ERC2: variants seen among roughly 807,000 people sequenced by gnomAD.
The protein encoded by ERC2 is ERC protein 2.
In ERC2, 42 loss-of-function variants were observed where a neutral mutation model predicts 114.8. The ratio of observed to expected loss-of-function variants is 0.37; its 90% CI spans 0.29 to 0.47. ERC2 has a LOEUF of 0.47. ERC2 is among the 20% of genes least tolerant of loss of function. The pLI is 0.99. For synonymous variants in ERC2, 454 were observed against 425.5 expected (o/e 1.07, Z -0.82); for missense variants, 939 against 1,150.7 (o/e 0.82, Z 2.66).
At chr3:56,032,901 CAGAA>C (rs200940238) in intron 7 of ERC2, among the ~76,000 whole-genome samples, 1,844 of 36,790 alleles carry the variant, frequency 0.05, 133 homozygotes, top group African/African-American at 0.088. Flanking sequence ...GAGAGAGAGA[CAGAA>C]AGAAAGAAAG....
At chr3:56,461,479 G>T in intron 1 of ERC2, among the ~76,000 whole-genome samples, 1 of 152,184 alleles carries the variant, frequency 6.6e-6, no homozygotes, top group South Asian at 2.1e-4. Flanking sequence ...AGGGCACTGG[G>T]TGCTCTCACA....
intron 8 of ERC2, 68 bp downstream of exon 8, chr3:56,018,826 T>C (rs978881465): frequency 1.4e-5 from 21 of 1,544,792 alleles, no homozygotes; most frequent in East Asian, 4.6e-5. Context: ...TTTAAATGCA[T>C]TGGGATCAAC....
intron 2 of ERC2, among the ~76,000 whole-genome samples, chr3:56,432,054 T>G (rs1402037790): frequency 6.6e-6 from 1 of 152,216 alleles, no homozygotes; most frequent in Non-Finnish European, 1.5e-5. Context: ...AATGGACAAA[T>G]GGTTCGAAAT....
At chr3:55,591,747 T>C (rs2057901105) in intron 17 of ERC2, among the ~76,000 whole-genome samples, 1 of 152,164 alleles carries the variant, frequency 6.6e-6, no homozygotes, top group Non-Finnish European at 1.5e-5. Flanking sequence ...TCCTTTTCTT[T>C]GCCATCAGGC....
intron 14 of ERC2, among the ~76,000 whole-genome samples, chr3:55,876,596 A>C (rs1450954330): frequency 6.6e-6 from 1 of 152,240 alleles, no homozygotes; most frequent in Non-Finnish European, 1.5e-5. Context: ...ATAATTGTGC[A>C]TCAATTTACA....
chr3:56,014,354 T>C (rs77641114), intron 8 of ERC2, among the ~76,000 whole-genome samples: 1 of 152,162 alleles, frequency 6.6e-6, no homozygotes, highest in East Asian at 1.9e-4. Flanking sequence ...CCTCATCTGT[T>C]GTCCAATTCA....
intron 14 of ERC2, among the ~76,000 whole-genome samples, chr3:55,776,683 G>GGGAGAT (rs1263627754): frequency 1.3e-5 from 2 of 152,168 alleles, no homozygotes; most frequent in South Asian, 2.1e-4. Flanking sequence ...CCTGGAGATT[G>GGGAGAT]GGAGCTGGAG....
At chr3:56,336,185 C>T (rs1305523034) in intron 2 of ERC2, among the ~76,000 whole-genome samples, 1 of 152,132 alleles carries the variant, frequency 6.6e-6, no homozygotes, top group Non-Finnish European at 1.5e-5. Context: ...CTCTGCCTGA[C>T]ATTTATTAGC....
Position 55,668,077 on chromosome 3 carries a change from A to C in ERC2, c.*39+15717T>G, listed in dbSNP as rs187566744. Among the ~76,000 whole-genome samples, 415 of 152,222 alleles carry C rather than the reference A, an allele frequency of 2.7e-3. 2 individuals carry two copies. The highest frequency in any genetic ancestry group is 2.8e-3 in the Non-Finnish European group (193 of 68,018). On this transcript the variant is annotated intron_variant, in intron 17 of 17. Transcript: ENST00000288221. ...TTGCTGAATGCATAATAAATTATAT[A>C]TCTCTCTCACTATATACATATAAGA... is the stretch of plus-strand genomic sequence containing the variant.
At chr3:55,552,369 G>A (rs184033170) in intron 17 of ERC2, among the ~76,000 whole-genome samples, 58 of 152,110 alleles carry the variant, frequency 3.8e-4, no homozygotes, top group African/African-American at 1.1e-3. Context: ...TGTTGCACCC[G>A]CCTGCTCCCC....
chr3:55,758,581 A>T (rs1370480920), intron 14 of ERC2, among the ~76,000 whole-genome samples: 1 of 152,192 alleles, frequency 6.6e-6, no homozygotes, highest in Non-Finnish European at 1.5e-5. Flanking sequence ...CCCATTTGAC[A>T]ACTTTCTAAC....
rs576742542 is a variant in ERC2 at position 56,097,641 on chromosome 3, A to G, written c.1474-16657T>C. 2.0e-5 allele frequency among the ~76,000 whole-genome samples: 3 copies of G among 152,276 alleles called. No homozygotes were observed. In the South Asian group the frequency reaches 6.2e-4, roughly 32 times the overall value. On this transcript the variant is annotated intron_variant, in intron 6 of 17. Transcript: ENST00000288221. ...TAACTTAACTGCTCAAAGAGTAACA[A>G]TTGGTAATGGGAAGTTCCCACCGTT...
chr3:56,139,405 C>T, intron 6 of ERC2, 104 bp downstream of exon 6: 1 of 1,116,492 alleles, frequency 9.0e-7, no homozygotes, highest in Non-Finnish European at 1.3e-6. Flanking sequence ...TACATCTGGC[C>T]CCAAGGGTTA....
intron 8 of ERC2, among the ~76,000 whole-genome samples, chr3:56,011,801 T>C (rs1250055223): frequency 1.3e-5 from 2 of 152,168 alleles, no homozygotes; most frequent in Non-Finnish European, 2.9e-5. Flanking sequence ...ATTCTTATAA[T>C]TGCATAGTGC....
At chr3:55,858,875 T>G (rs570863133) in intron 14 of ERC2, among the ~76,000 whole-genome samples, 31 of 152,312 alleles carry the variant, frequency 2.0e-4, no homozygotes, top group Non-Finnish European at 4.0e-4. Flanking sequence ...ACTCACTTGC[T>G]GAGGTTGCAC....
chr3:55,568,083 T>G (rs1031039812), intron 17 of ERC2, among the ~76,000 whole-genome samples: 1 of 152,198 alleles, frequency 6.6e-6, no homozygotes, highest in Non-Finnish European at 1.5e-5. Flanking sequence ...ATTATTTTAT[T>G]TTATAGCTCA....
chr3:56,118,407 T>A (rs2079371244), intron 6 of ERC2, among the ~76,000 whole-genome samples: 1 of 152,168 alleles, frequency 6.6e-6, no homozygotes, highest in Non-Finnish European at 1.5e-5. Flanking sequence ...GTGACAGTAA[T>A]AATATTGATA....
Position 55,839,955 on chromosome 3 carries a change from A to G in ERC2, c.2564+48434T>C, listed in dbSNP as rs578081594. Among the ~76,000 whole-genome samples, 15 of 152,200 alleles carry G rather than the reference A, an allele frequency of 9.9e-5. No individual in the cohort carries two copies. The South Asian group carries it at 2.5e-3, about 25-fold the overall frequency. The stretch of plus-strand genomic sequence containing the variant: ...GCAGTCTACAAGTTATCTATTGTAA[A>G]TATAAAGACAGAAATAGGAAAAAAA... On this transcript the variant is annotated intron_variant, in intron 14 of 17. Transcript: ENST00000288221.
chr3:56,291,738 A>G (rs1334105462), intron 3 of ERC2, among the ~76,000 whole-genome samples: 2 of 152,140 alleles, frequency 1.3e-5, no homozygotes, highest in African/African-American at 4.8e-5. Flanking sequence ...CATCTATATT[A>G]ACAGAGGTCA....
Sources: allele counts gnomAD v4.1 joint callset (sites outside exome capture counted in the v4.1 genomes callset), GRCh38; gene constraint gnomAD v4.1.1; transcripts MANE v1.5; gene names NCBI Gene and HGNC (gene_info 2026-07-23, HGNC 2026-07-21).